SGCZ: variants seen among roughly 807,000 people sequenced by gnomAD.
The protein encoded by SGCZ is zeta-sarcoglycan.
Under a neutral mutation model 41.3 loss-of-function variants are expected in SGCZ, and 40 were observed. That is an observed-to-expected ratio of 0.97 (90% confidence interval 0.75 to 1.26). The LOEUF is 1.26. SGCZ is among the 50% of genes most tolerant of loss of function. The pLI, the probability that SGCZ is intolerant of heterozygous loss-of-function variation, is 0.00. For synonymous variants in SGCZ, 206 were observed against 137.5 expected, an observed-to-expected ratio of 1.50 and a Z score of -3.49; for missense variants, 552 against 369.8, an observed-to-expected ratio of 1.49 and a Z score of -4.04.
At chr8:14,256,679 A>G (rs1799476726) in intron 3 of SGCZ, among the ~76,000 whole-genome samples, 1 of 152,166 alleles carries the variant, frequency 6.6e-6, no homozygotes, top group Admixed American at 6.6e-5. Flanking sequence ...AAAATGCTCC[A>G]TCCAATGAGC....
At chr8:14,514,297 T>C (rs2117082945) in intron 2 of SGCZ, among the ~76,000 whole-genome samples, 1 of 152,200 alleles carries the variant, frequency 6.6e-6, no homozygotes, top group Non-Finnish European at 1.5e-5. Flanking sequence ...GCAGTAGAAG[T>C]GACTTCAGAT....
intron 1 of SGCZ, among the ~76,000 whole-genome samples, chr8:14,605,599 C>G (rs1355300): frequency 0.16 from 23,598 of 152,102 alleles, 2,258 homozygotes; most frequent in Non-Finnish European, 0.21. Context: ...ACATTCTAGT[C>G]TCTATCTCCC....
At chr8:14,343,168 C>T (rs1802769793) in intron 2 of SGCZ, among the ~76,000 whole-genome samples, 1 of 152,240 alleles carries the variant, frequency 6.6e-6, no homozygotes, top group African/African-American at 2.4e-5. Context: ...CTTGGATGCC[C>T]AGGCAAAAGT....
At chr8:14,193,183 C>T (rs1805159769) in intron 4 of SGCZ, among the ~76,000 whole-genome samples, 1 of 151,858 alleles carries the variant, frequency 6.6e-6, no homozygotes, top group Admixed American at 6.6e-5. Context: ...ATAAGCTACA[C>T]TACAGAAACA....
chr8:14,319,346 ATC>A (rs1026299664), intron 3 of SGCZ: 1 of 151,978 alleles, frequency 6.6e-6, no homozygotes, highest in Non-Finnish European at 1.5e-5. Flanking sequence ...GTGTTCACAA[ATC>A]TGAGGCAAGG....
At chr8:14,556,249 GT>G (rs537117575) in intron 1 of SGCZ, among the ~76,000 whole-genome samples, 2,147 of 151,668 alleles carry the variant, frequency 0.014, 28 homozygotes, top group South Asian at 0.032. Context: ...TATCTCTTCA[GT>G]TTTTTCTCAG....
At chr8:14,751,674 G>C (rs770344496) in intron 1 of SGCZ, among the ~76,000 whole-genome samples, 1 of 152,024 alleles carries the variant, frequency 6.6e-6, no homozygotes, top group Non-Finnish European at 1.5e-5. Context: ...TTTGCCTCCC[G>C]AGTAGCTGTG....
chr8:14,777,249 A>C (rs1341850193), intron 1 of SGCZ, among the ~76,000 whole-genome samples: 1 of 152,204 alleles, frequency 6.6e-6, no homozygotes, highest in African/African-American at 2.4e-5. Flanking sequence ...ACAGTAAAAT[A>C]AGAAATATGA....
chr8:15,051,400 T>C (rs1202892289), intron 1 of SGCZ, among the ~76,000 whole-genome samples: 1 of 152,202 alleles, frequency 6.6e-6, no homozygotes, highest in Non-Finnish European at 1.5e-5. Flanking sequence ...ATTTTTTATT[T>C]AGCTATCCTC....
intron 2 of SGCZ, among the ~76,000 whole-genome samples, chr8:14,539,424 G>C (rs981542557): frequency 6.6e-6 from 1 of 151,964 alleles, no homozygotes; most frequent in African/African-American, 2.4e-5. Flanking sequence ...GGGAAGGCTA[G>C]GGAGAAAAGG....
intron 2 of SGCZ, among the ~76,000 whole-genome samples, chr8:14,369,803 TTAAA>T (rs1387305336): frequency 3.3e-5 from 5 of 151,998 alleles, no homozygotes; most frequent in East Asian, 1.9e-4. Flanking sequence ...GCCCAATTAA[TTAAA>T]TATTAAGTAA....
At chr8:14,513,905 A>T (rs976706193) in intron 2 of SGCZ, among the ~76,000 whole-genome samples, 3 of 152,088 alleles carry the variant, frequency 2.0e-5, no homozygotes, top group Non-Finnish European at 4.4e-5. Flanking sequence ...ACTAAACAAC[A>T]TTGCTTATTT....
intron 2 of SGCZ, among the ~76,000 whole-genome samples, chr8:14,470,874 T>TCAAAATA (rs1801195183): frequency 1.3e-5 from 2 of 152,136 alleles, no homozygotes; most frequent in Admixed American, 6.6e-5. Flanking sequence ...ATTTAGACAC[T>TCAAAATA]GGCACTGAGA....
intron 1 of SGCZ, among the ~76,000 whole-genome samples, chr8:14,734,304 G>T (rs539911724): frequency 2.0e-5 from 3 of 152,154 alleles, no homozygotes; most frequent in African/African-American, 7.2e-5. Flanking sequence ...CTACAAAATT[G>T]TAATAAAATA....
In SGCZ at chr8:14,846,915, AAAAGAAAT is replaced by A. The variant is rs1250722412; in HGVS notation, c.40-291997_40-291990del. Among the ~76,000 whole-genome samples the A allele has an allele frequency of 3.3e-5, 5 of 151,808 alleles. No individual in the cohort carries two copies. The East Asian group carries it at 9.7e-4, about 29-fold the overall frequency. ...TGAAACGACATCTCTACTAAAATAC[AAAAGAAAT>A]TAGCTGGGCGTGGTGGCACATGCCT... On this transcript the variant is annotated intron_variant, in intron 1 of 7. Coordinates refer to ENST00000382080, the MANE Select transcript of SGCZ (RefSeq NM_139167.4).
At chr8:14,813,179 T>C (rs1801785743) in intron 1 of SGCZ, among the ~76,000 whole-genome samples, 1 of 152,216 alleles carries the variant, frequency 6.6e-6, no homozygotes, top group Non-Finnish European at 1.5e-5. Context: ...GAAGATTTGT[T>C]TTAATGCATA....
intron 2 of SGCZ, among the ~76,000 whole-genome samples, chr8:14,447,917 T>C (rs1444974680): frequency 2.0e-5 from 3 of 152,164 alleles, no homozygotes; most frequent in African/African-American, 7.2e-5. Context: ...ATATGACTTA[T>C]ATGGAAAATG....
intron 1 of SGCZ, among the ~76,000 whole-genome samples, chr8:14,788,622 G>C (rs138535050): frequency 6.6e-6 from 1 of 152,092 alleles, no homozygotes; most frequent in Non-Finnish European, 1.5e-5. Context: ...GAGGCAATAC[G>C]TGTATATGCA....
chr8:14,820,920 A>T (rs192035130), intron 1 of SGCZ, among the ~76,000 whole-genome samples: 2 of 147,148 alleles, frequency 1.4e-5, no homozygotes, highest in East Asian at 4.3e-4. Flanking sequence ...CCCTAAAGGA[A>T]CAAAAAAAAA....
Sources: allele counts gnomAD v4.1 joint callset (sites outside exome capture counted in the v4.1 genomes callset), GRCh38; gene constraint gnomAD v4.1.1; transcripts MANE v1.5; gene names NCBI Gene and HGNC (gene_info 2026-07-23, HGNC 2026-07-21).